Variants in LIPC observed in about 807,000 individuals in gnomAD.
LIPC encodes the protein lipase C, hepatic type, also known as hepatic triacylglycerol lipase.
A neutral mutation model predicts 50.7 loss-of-function variants in LIPC; 44 were observed. The ratio of observed to expected loss-of-function variants is 0.87; its 90% CI spans 0.68 to 1.11. The LOEUF is 1.11. Ranked by LOEUF, LIPC falls within the 50% of genes most tolerant of loss-of-function variation. The pLI, the probability that LIPC is intolerant of heterozygous loss-of-function variation, is 0.00. For missense variants in LIPC, 697 were observed against 648.2 expected (o/e 1.08, Z -0.82); for synonymous variants, 271 against 256.4 (o/e 1.06, Z -0.54).
At chr15:58,478,123 A>T (rs1351484897) in intron 1 of LIPC, among the ~76,000 whole-genome samples, 6 of 152,068 alleles carry the variant, frequency 3.9e-5, no homozygotes, top group Non-Finnish European at 2.9e-5. Context: ...CTCCACCACA[A>T]CCTGTCTTGG....
At chr15:58,469,793 G>C (rs1404313973) in intron 1 of LIPC, among the ~76,000 whole-genome samples, 8 of 152,202 alleles carry the variant, frequency 5.3e-5, no homozygotes, top group African/African-American at 1.9e-4. Context: ...AGCTCGTTGA[G>C]AAGATGCAAG....
chr15:58,533,096 C>T (rs1451957447), intron 1 of LIPC: 4 of 896,094 alleles, frequency 4.5e-6, no homozygotes, highest in Non-Finnish European at 5.3e-6. Context: ...ATTTAATATT[C>T]CTCCTCCTAA....
intron 1 of LIPC, 162 bp downstream of exon 1, chr15:58,432,282 G>A (rs371625899): frequency 2.4e-5 from 16 of 659,348 alleles, no homozygotes; most frequent in South Asian, 3.3e-5. Context: ...ACACGTAGCC[G>A]TTTGTAAACA....
Position 58,561,110 on chromosome 15 carries a change from A to T in LIPC, c.1169+129A>T. On this transcript the variant is annotated intron_variant, in intron 7 of 8. Coordinates refer to ENST00000299022, the MANE Select transcript of LIPC (RefSeq NM_000236.3). ...TTATTCCAGACGCAAACCAAAAACT[A>T]TCTGAGACACATGTCAATCAATTTA... The T allele has an allele frequency of 4.2e-6, 3 of 718,668 alleles. No individual in the cohort carries two copies. In the South Asian group the frequency reaches 4.4e-5, roughly 11 times the overall value. The allele number at this position is 718,668 out of a possible 1,614,324, so 44.5% of individuals were successfully genotyped here.
chr15:58,476,878 T>C (rs1036490499), intron 1 of LIPC, among the ~76,000 whole-genome samples: 2 of 152,218 alleles, frequency 1.3e-5, no homozygotes, highest in Non-Finnish European at 1.5e-5. Flanking sequence ...AGAGGAAAGC[T>C]AGTTTTGCCT....
rs6494005 is a variant in LIPC, at chr15:58,432,325, A to G, written c.88+205A>G. Reference sequence around the variant, plus strand: ...AATTTTAGAAAATCATCCTCGGATTAAAAGTCTTCTAAGAGTGCCTGCAGC... The same window carrying G: ...AATTTTAGAAAATCATCCTCGGATTGAAAGTCTTCTAAGAGTGCCTGCAGC... On this transcript the variant is annotated intron_variant, in intron 1 of 8. Transcript: ENST00000299022. The G allele has an allele frequency of 0.45, 273,590 of 607,666 alleles. 67,852 individuals are homozygous for G. The highest frequency in any genetic ancestry group is 0.55 in the Middle Eastern group (1,402 of 2,562). 37.6% of individuals were successfully genotyped at this position (607,666 alleles called of 1,614,324 possible). A position where few individuals can be genotyped will look rare whatever the true frequency, so the allele number is the denominator to read the frequency against.
intron 8 of LIPC, among the ~76,000 whole-genome samples, chr15:58,564,422 G>A (rs1246432563): frequency 6.6e-6 from 1 of 151,958 alleles, no homozygotes; most frequent in African/African-American, 2.4e-5. Flanking sequence ...AGCTGGGGTG[G>A]GGAGCAAAGA....
chr15:58,493,848 C>T (rs550499980), intron 1 of LIPC, among the ~76,000 whole-genome samples: 11 of 151,880 alleles, frequency 7.2e-5, no homozygotes, highest in Non-Finnish European at 1.3e-4. Context: ...ACAACTCCCA[C>T]GGGTGTTTTC....
chr15:58,434,513 C>G (rs1263356934), intron 1 of LIPC, among the ~76,000 whole-genome samples: 1 of 152,198 alleles, frequency 6.6e-6, no homozygotes, highest in Admixed American at 6.5e-5. Flanking sequence ...GTACCTGCAG[C>G]CTCAATCTGT....
chr15:58,561,063 A>G (rs1265143294), intron 7 of LIPC, 82 bp downstream of exon 7: 1 of 808,302 alleles, frequency 1.2e-6, no homozygotes, highest in Non-Finnish European at 2.2e-6. Flanking sequence ...AATTTTCAAG[A>G]GTCAGGCCAG....
At chr15:58,536,785 AT>A (rs1893138215) in intron 1 of LIPC, among the ~76,000 whole-genome samples, 1 of 152,242 alleles carries the variant, frequency 6.6e-6, no homozygotes, top group Non-Finnish European at 1.5e-5. Context: ...AATATGATGC[AT>A]TTCATTCTGT....
chr15:58,444,485 G>T (rs1893618497), intron 1 of LIPC, among the ~76,000 whole-genome samples: 1 of 152,168 alleles, frequency 6.6e-6, no homozygotes, highest in African/African-American at 2.4e-5. Context: ...AGACTGGGTG[G>T]CCTCAACAAC....
intron 1 of LIPC, among the ~76,000 whole-genome samples, chr15:58,531,253 G>A (rs1429943778): frequency 6.6e-6 from 1 of 152,086 alleles, no homozygotes; most frequent in African/African-American, 2.4e-5. Flanking sequence ...TTGTACACAT[G>A]TGCCCTTTGT....
rs1431193968 is a variant in LIPC, at chr15:58,548,319, C to T, written c.809-11C>T. On this transcript the variant is annotated splice_polypyrimidine_tract_variant and intron_variant, in intron 5 of 8. Transcript: ENST00000299022. ...AAGGGGTGATAACGTCCTTCTTGCC[C>T]TGTGTTCCAGCCATCACCCAGACCA... 1.2e-6 allele frequency: 2 copies of T among 1,613,994 alleles called. No homozygotes were observed. The highest frequency in any genetic ancestry group is 1.7e-5 in the Admixed American group (1 of 60,022).
At chr15:58,512,004 C>T (rs1892343912) in intron 1 of LIPC, among the ~76,000 whole-genome samples, 1 of 152,080 alleles carries the variant, frequency 6.6e-6, no homozygotes. Context: ...CATTTTAAAA[C>T]CTAGAAGGAA....
At chr15:58,437,656 G>T (rs1893351753) in intron 1 of LIPC, among the ~76,000 whole-genome samples, 1 of 152,094 alleles carries the variant, frequency 6.6e-6, no homozygotes, top group African/African-American at 2.4e-5. Context: ...AACTTTGCAG[G>T]TTCAGCCACA....
chr15:58,480,233 A>G (rs1410479980), intron 1 of LIPC, among the ~76,000 whole-genome samples: 2 of 152,200 alleles, frequency 1.3e-5, no homozygotes, highest in African/African-American at 4.8e-5. Flanking sequence ...GAAGTGATCT[A>G]TCTCCCTAAA....
At chr15:58,504,386 G>A (rs1475586203) in intron 1 of LIPC, among the ~76,000 whole-genome samples, 1 of 152,164 alleles carries the variant, frequency 6.6e-6, no homozygotes, top group Non-Finnish European at 1.5e-5. Context: ...TGCTTTTTGA[G>A]TCTCAAGCAA....
intron 1 of LIPC, among the ~76,000 whole-genome samples, chr15:58,502,209 C>T (rs540784749): frequency 6.6e-6 from 1 of 152,274 alleles, no homozygotes; most frequent in Middle Eastern, 3.4e-3. Flanking sequence ...TGCCGTTCCC[C>T]AGATGCCCCC....
Sources: allele counts gnomAD v4.1 joint callset (sites outside exome capture counted in the v4.1 genomes callset), GRCh38; gene constraint gnomAD v4.1.1; transcripts MANE v1.5; gene names NCBI Gene and HGNC (gene_info 2026-07-23, HGNC 2026-07-21).